The following CDH12 variants were observed in gnomAD, a reference collection of about 807,000 sequenced individuals.
The protein encoded by CDH12 is cadherin-12.
In CDH12, 41 loss-of-function variants were observed where a neutral mutation model predicts 74.1. The observed-to-expected ratio is 0.55, with a 90% CI of 0.43 to 0.72. The LOEUF (loss-of-function observed/expected upper bound fraction) is 0.72, where lower values mean the gene tolerates loss of function less well. CDH12 is among the 30% of genes least tolerant of loss of function. The pLI is 0.00. For missense variants in CDH12, 945 were observed against 977.2 expected, an observed-to-expected ratio of 0.97 and a Z score of 0.44; for synonymous variants, 399 against 355.0, an observed-to-expected ratio of 1.12 and a Z score of -1.39.
intron 6 of CDH12, among the ~76,000 whole-genome samples, chr5:21,866,822 T>A (rs1423183377): frequency 6.6e-6 from 1 of 152,140 alleles, no homozygotes; most frequent in African/African-American, 2.4e-5. Context: ...CCAGGGCATG[T>A]CAGAGACCTT....
At chr5:22,590,520 G>T (rs923547134) in intron 1 of CDH12, among the ~76,000 whole-genome samples, 1 of 152,052 alleles carries the variant, frequency 6.6e-6, no homozygotes, top group Admixed American at 6.6e-5. Flanking sequence ...GCATTACAGA[G>T]ATTTTTCTTT....
chr5:22,837,819 C>A lies in CDH12; in HGVS notation c.-523+15239G>T, dbSNP rs115791360. ...ATAATATGATCATGGTAGATAGAAG[C>A]CTAATTTTGCTATTTCTTTGACGTG... On this transcript the variant is annotated intron_variant, in intron 1 of 14. Coordinates refer to ENST00000382254, the MANE Select transcript of CDH12 (RefSeq NM_004061.5). Among the ~76,000 whole-genome samples, 711 of 152,082 alleles carry A rather than the reference C, an allele frequency of 4.7e-3. 9 individuals are homozygous for A. Among genetic ancestry groups the A allele is most frequent in the African/African-American group, 0.016 (676 of 41,506 alleles).
rs556861220 is a variant in CDH12 at position 22,603,891 on chromosome 5, CT to C, written c.-522-98528del. 1.8e-4 allele frequency among the ~76,000 whole-genome samples: 27 copies of C among 152,252 alleles called. No homozygotes were observed. The East Asian group carries it at 5.2e-3, about 30-fold the overall frequency. On this transcript the variant is annotated intron_variant, in intron 1 of 14. Transcript: ENST00000382254. ...GAATTGTTGGTCCAAAGAGAATTGG[CT>C]TCACCAAGAGTGATTTCATGCTAAT...
Position 22,528,701 on chromosome 5 carries a change from T to C in CDH12, c.-522-23337A>G, listed in dbSNP as rs148787264. On this transcript the variant is annotated intron_variant, in intron 1 of 14. Transcript: ENST00000382254. ...AGCCAATCTTATTATATTTTTTTAG[T>C]TTGAGAAAAATGTTCAAAAGTATCA... Among the ~76,000 whole-genome samples, 11 of 152,194 alleles carry C rather than the reference T, an allele frequency of 7.2e-5. No homozygotes were observed. The East Asian group carries it at 2.1e-3, about 29-fold the overall frequency.
At chr5:22,611,179 A>T (rs1003011510) in intron 1 of CDH12, among the ~76,000 whole-genome samples, 1 of 152,138 alleles carries the variant, frequency 6.6e-6, no homozygotes, top group African/African-American at 2.4e-5. Context: ...TCTAGATATT[A>T]GTATATGGAG....
intron 2 of CDH12, among the ~76,000 whole-genome samples, chr5:22,420,208 T>C (rs1743579263): frequency 6.6e-6 from 1 of 152,204 alleles, no homozygotes; most frequent in Admixed American, 6.5e-5. Context: ...TTTGCTTTTG[T>C]TGCAATTGCT....
At chr5:22,822,613 C>A (rs1343696852) in intron 1 of CDH12, among the ~76,000 whole-genome samples, 1 of 152,074 alleles carries the variant, frequency 6.6e-6, no homozygotes, top group Admixed American at 6.5e-5. Flanking sequence ...ATTTATGCAG[C>A]CAAAAAACAC....
intron 5 of CDH12, among the ~76,000 whole-genome samples, chr5:21,981,119 TA>T (rs1385148425): frequency 6.6e-6 from 1 of 152,182 alleles, no homozygotes; most frequent in Non-Finnish European, 1.5e-5. Context: ...TCTTTAATTA[TA>T]AATTCGAATA....
At chr5:22,577,853 C>T (rs901755786) in intron 1 of CDH12, among the ~76,000 whole-genome samples, 11 of 152,130 alleles carry the variant, frequency 7.2e-5, no homozygotes, top group Non-Finnish European at 1.6e-4. Context: ...TTCTTTATTG[C>T]AAAGACAACC....
chr5:22,476,579 A>G (rs932913003), intron 2 of CDH12, among the ~76,000 whole-genome samples: 17 of 152,112 alleles, frequency 1.1e-4, no homozygotes, highest in African/African-American at 4.1e-4. Flanking sequence ...ATTGCTGCTG[A>G]CTACATAGTA....
At chr5:22,382,409 T>G (rs115323445) in intron 3 of CDH12, among the ~76,000 whole-genome samples, 6,118 of 151,794 alleles carry the variant, frequency 0.04, 431 homozygotes, top group African/African-American at 0.14. Flanking sequence ...AGGCACCCAG[T>G]GTCACAAGTC....
chr5:21,898,083 T>C (rs1403809385), intron 6 of CDH12, among the ~76,000 whole-genome samples: 1 of 152,036 alleles, frequency 6.6e-6, no homozygotes, highest in African/African-American at 2.4e-5. Flanking sequence ...GTAAAAGTAC[T>C]TTCTTGAATA....
chr5:21,997,774 A>T (rs1289984356), intron 5 of CDH12, among the ~76,000 whole-genome samples: 1 of 152,154 alleles, frequency 6.6e-6, no homozygotes, highest in African/African-American at 2.4e-5. Flanking sequence ...TTTGCACTGC[A>T]AATAGATAAG....
At chr5:22,149,278 A>G (rs1241126328) in intron 4 of CDH12, among the ~76,000 whole-genome samples, 1 of 152,202 alleles carries the variant, frequency 6.6e-6, no homozygotes, top group African/African-American at 2.4e-5. Flanking sequence ...TTCTTGAGGG[A>G]CACAAGTCTA....
chr5:22,440,312 A>T (rs1744573009), intron 2 of CDH12, among the ~76,000 whole-genome samples: 2 of 152,244 alleles, frequency 1.3e-5, no homozygotes, highest in South Asian at 2.1e-4. Context: ...TCGAAGCATA[A>T]AGTACAAAAT....
chr5:22,440,897 C>T (rs147442390), intron 2 of CDH12, among the ~76,000 whole-genome samples: 154 of 152,208 alleles, frequency 1.0e-3, no homozygotes, highest in East Asian at 2.7e-3. Flanking sequence ...CACGGAAATA[C>T]GGACATTTTA....
intron 1 of CDH12, among the ~76,000 whole-genome samples, chr5:22,529,153 A>G (rs1345572129): frequency 1.1e-4 from 16 of 142,862 alleles, no homozygotes; most frequent in Non-Finnish European, 1.7e-4. Flanking sequence ...ATACACATAT[A>G]TATACACATG....
chr5:22,243,372 G>A (rs2150382007), intron 3 of CDH12, among the ~76,000 whole-genome samples: 1 of 152,216 alleles, frequency 6.6e-6, no homozygotes, highest in East Asian at 1.9e-4. Context: ...AATAAGGGAA[G>A]AGATTAAGAG....
In CDH12 at chr5:22,164,936, T is replaced by G. The variant is rs550345619; in HGVS notation, c.-187+47562A>C. Among the ~76,000 whole-genome samples the G allele has an allele frequency of 1.4e-4, 20 of 143,396 alleles. No individual in the cohort carries two copies. In the South Asian group the frequency reaches 4.9e-3, roughly 35 times the overall value. 94.1% of individuals were successfully genotyped at this position (143,396 alleles called of 152,430 possible). On this transcript the variant is annotated intron_variant, in intron 4 of 14. Coordinates refer to ENST00000382254, the MANE Select transcript of CDH12 (RefSeq NM_004061.5). ...AGGTCTGTCATTAAACATGACAATG[T>G]TTAATAGGAGATTAGACTTCTCACT...
Sources: gnomAD v4.1 joint callset for allele counts (sites outside exome capture counted in the v4.1 genomes callset) on GRCh38, gnomAD v4.1.1 for gene constraint, MANE v1.5 for transcripts, NCBI Gene and HGNC (gene_info 2026-07-23, HGNC 2026-07-21) for gene names.